NAV3: variants seen among roughly 807,000 people sequenced by gnomAD.
NAV3 encodes pore membrane and/or filament interacting like protein 1.
NAV3 carries 87 observed loss-of-function variants against 244.7 expected under a neutral mutation model. The ratio of observed to expected loss-of-function variants is 0.36; its 90% CI spans 0.30 to 0.42. The LOEUF is 0.42. Among genes scored for constraint, NAV3 ranks in the 20% least tolerant of loss-of-function variants. The pLI is 1.00. For missense variants in NAV3, 2,663 were observed against 2,893.3 expected, an observed-to-expected ratio of 0.92 and a Z score of 1.83; for synonymous variants, 1,126 against 1,042.2, an observed-to-expected ratio of 1.08 and a Z score of -1.55.
At position 78,185,644 on chromosome 12, in the gene NAV3, T is replaced by C. The variant is rs977929456; in HGVS notation, c.5736T>C (p.Asp1912=). 4 of 1,608,538 alleles carry C rather than the reference T, an allele frequency of 2.5e-6. No homozygotes were observed. In the Admixed American group the frequency reaches 5.0e-5, roughly 20 times the overall value. Residue 1912 remains aspartate (D), a synonymous_variant, in exon 31 of 40, where the codon GAT becomes GAC. Coordinates refer to ENST00000397909, the MANE Select transcript of NAV3 (RefSeq NM_001024383.2). ...CTGGTGATGCAACTGGACATAAAGATGGCCGCAGTGTGAAAATTATAGTCT... is the reference window on the plus strand; with the variant it reads ...CTGGTGATGCAACTGGACATAAAGACGGCCGCAGTGTGAAAATTATAGTCT... The part of the protein sequence containing the change: ...DDAGDATGHK[D]GRSVKIIVSI...
chr12:78,135,992 G>A (rs998615663), intron 18 of NAV3, among the ~76,000 whole-genome samples: 17 of 152,088 alleles, frequency 1.1e-4, no homozygotes, highest in East Asian at 1.9e-4. Flanking sequence ...GTGTTAATTC[G>A]GTTAATACCA....
At chr12:77,705,212 A>T (rs1332381893) in intron 2 of NAV3, among the ~76,000 whole-genome samples, 1 of 152,198 alleles carries the variant, frequency 6.6e-6, no homozygotes, top group African/African-American at 2.4e-5. Context: ...TGAGGTCAGG[A>T]GTTCGAGACC....
chr12:77,780,609 G>A (rs1268626211), intron 2 of NAV3, among the ~76,000 whole-genome samples: 2 of 152,144 alleles, frequency 1.3e-5, no homozygotes, highest in East Asian at 1.9e-4. Flanking sequence ...TTTGCTATGA[G>A]GCGAGTTATT....
intron 12 of NAV3, among the ~76,000 whole-genome samples, chr12:78,094,667 C>T (rs1451214571): frequency 2.0e-5 from 3 of 151,950 alleles, no homozygotes; most frequent in East Asian, 1.9e-4. Context: ...ATTGAGGAAA[C>T]GGTGAAGATA....
At chr12:78,130,063 A>G (rs901000522) in intron 18 of NAV3, among the ~76,000 whole-genome samples, 8 of 152,232 alleles carry the variant, frequency 5.3e-5, no homozygotes, top group Admixed American at 4.6e-4. Context: ...AATGAGGCAC[A>G]ACAGTCAATT....
intron 1 of NAV3, among the ~76,000 whole-genome samples, chr12:77,840,486 C>T (rs986255484): frequency 3.3e-5 from 5 of 151,866 alleles, no homozygotes; most frequent in African/African-American, 4.8e-5. Flanking sequence ...AGCTCAAGAG[C>T]AATGGAAGAG....
chr12:78,126,353 T>G (rs943388638), intron 16 of NAV3, among the ~76,000 whole-genome samples: 24 of 152,340 alleles, frequency 1.6e-4, no homozygotes, highest in Admixed American at 4.6e-4. Context: ...GCTATAATTC[T>G]GCAATTTTAA....
intron 2 of NAV3, among the ~76,000 whole-genome samples, chr12:77,716,819 G>C (rs12320626): frequency 0.054 from 8,249 of 151,974 alleles, 520 homozygotes; most frequent in African/African-American, 0.16. Context: ...GGTTCTGCAA[G>C]TCCCACCATA....
At chr12:77,810,257 C>G (rs892892717) in intron 2 of NAV3, among the ~76,000 whole-genome samples, 2 of 152,100 alleles carry the variant, frequency 1.3e-5, no homozygotes, top group African/African-American at 4.8e-5. Context: ...CTGCAAGCTC[C>G]GCCTCCCGGG....
chr12:77,639,063 G>A (rs527400306), intron 2 of NAV3, among the ~76,000 whole-genome samples: 1 of 152,258 alleles, frequency 6.6e-6, no homozygotes, highest in South Asian at 2.1e-4. Flanking sequence ...TGGGCACAGA[G>A]CATACTCATT....
intron 1 of NAV3, among the ~76,000 whole-genome samples, chr12:77,854,157 A>G (rs1406622569): frequency 6.6e-6 from 1 of 152,232 alleles, no homozygotes; most frequent in East Asian, 1.9e-4. Flanking sequence ...GACATAGCCT[A>G]ATTAGTTACT....
intron 2 of NAV3, among the ~76,000 whole-genome samples, chr12:77,658,134 AGGGTATTC>A (rs1181857985): frequency 6.6e-6 from 1 of 152,162 alleles, no homozygotes; most frequent in Non-Finnish European, 1.5e-5. Context: ...AAAGAAATAA[AGGGTATTC>A]AATTAGGAAA....
chr12:77,701,372 A>T, intron 2 of NAV3, among the ~76,000 whole-genome samples: 1 of 151,948 alleles, frequency 6.6e-6, no homozygotes, highest in Admixed American at 6.6e-5. Flanking sequence ...TCCCATGAAC[A>T]TATTTGGCAG....
At chr12:77,595,104 T>G (rs541772312) in intron 2 of NAV3, among the ~76,000 whole-genome samples, 1 of 152,146 alleles carries the variant, frequency 6.6e-6, no homozygotes, top group Non-Finnish European at 1.5e-5. Context: ...ATATCTGCAC[T>G]CCCATGTTGA....
At chr12:78,110,210 A>C (rs1434729331) in intron 12 of NAV3, among the ~76,000 whole-genome samples, 1 of 152,064 alleles carries the variant, frequency 6.6e-6, no homozygotes, top group Non-Finnish European at 1.5e-5. Flanking sequence ...ACAAAAAATT[A>C]AAATACCTGG....
At chr12:78,115,780 A>G (rs990652081) in intron 12 of NAV3, among the ~76,000 whole-genome samples, 1 of 152,182 alleles carries the variant, frequency 6.6e-6, no homozygotes, top group African/African-American at 2.4e-5. Flanking sequence ...TACACCTAGG[A>G]GCAACAGGCT....
chr12:77,667,426 C>A (rs1436562628), intron 2 of NAV3, among the ~76,000 whole-genome samples: 3 of 152,082 alleles, frequency 2.0e-5, no homozygotes, highest in Non-Finnish European at 4.4e-5. Context: ...GGAGTAAGAC[C>A]AGCCTTTATG....
intron 1 of NAV3, among the ~76,000 whole-genome samples, chr12:77,847,147 G>A (rs1415032293): frequency 6.6e-6 from 1 of 152,176 alleles, no homozygotes; most frequent in Non-Finnish European, 1.5e-5. Context: ...TGGTCTAGGA[G>A]AAAGTCCACA....
chr12:77,582,722 G>T (rs753800280), intron 2 of NAV3, among the ~76,000 whole-genome samples: 9 of 152,132 alleles, frequency 5.9e-5, no homozygotes, highest in Non-Finnish European at 1.3e-4. Flanking sequence ...GTGAGTACAC[G>T]CATGTATGTG....
Sources: gnomAD v4.1 joint callset for allele counts (sites outside exome capture counted in the v4.1 genomes callset) on GRCh38, gnomAD v4.1.1 for gene constraint, MANE v1.5 for transcripts, NCBI Gene and HGNC (gene_info 2026-07-23, HGNC 2026-07-21) for gene names.